Variants in SPOCK1 observed in about 807,000 individuals in gnomAD.
SPOCK1 encodes the protein testican-1.
SPOCK1 carries 23 observed loss-of-function variants against 55.3 expected under a neutral mutation model. The ratio of observed to expected loss-of-function variants is 0.42; its 90% confidence interval spans 0.30 to 0.59. The LOEUF (loss-of-function observed/expected upper bound fraction) is 0.59. Among genes scored for constraint, SPOCK1 ranks in the 20% least tolerant of loss-of-function variants. SPOCK1 has a pLI of 0.22. For missense variants in SPOCK1, 499 were observed against 552.5 expected (o/e 0.90, Z 0.97); for synonymous variants, 226 against 221.0 (o/e 1.02, Z -0.20).
chr5:137,254,021 T>C (rs1227627909), intron 3 of SPOCK1, among the ~76,000 whole-genome samples: 1 of 152,226 alleles, frequency 6.6e-6, no homozygotes, highest in Non-Finnish European at 1.5e-5. Context: ...ATGCTCACTC[T>C]TAATCTGACA....
At chr5:137,139,443 C>T (rs1346225101) in intron 4 of SPOCK1, among the ~76,000 whole-genome samples, 1 of 152,014 alleles carries the variant, frequency 6.6e-6, no homozygotes, top group Non-Finnish European at 1.5e-5. Flanking sequence ...AAAACATACC[C>T]CCAGAGGAAC....
At chr5:137,304,999 T>C (rs1255871576) in intron 2 of SPOCK1, among the ~76,000 whole-genome samples, 1 of 152,202 alleles carries the variant, frequency 6.6e-6, no homozygotes. Flanking sequence ...ACCAAAGCGT[T>C]GGCAGAGCCA....
At chr5:137,290,752 C>A (rs185868178) in intron 2 of SPOCK1, among the ~76,000 whole-genome samples, 2 of 152,286 alleles carry the variant, frequency 1.3e-5, no homozygotes, top group East Asian at 3.9e-4. Flanking sequence ...CTTCATATGG[C>A]AGAACGGACA....
In SPOCK1 at chr5:137,201,504, C is replaced by A. The variant is rs187796641; in HGVS notation, c.233-60810G>T. ...CAGAAACAAAGCCACCGTAACATTT[C>A]CAGCTGTTTGGGGAAGAATTTTAAT... is the stretch of plus-strand genomic sequence containing the variant. On this transcript the variant is annotated intron_variant, in intron 3 of 10. Transcript: ENST00000394945. Among the ~76,000 whole-genome samples the A allele has an allele frequency of 9.8e-5, 15 of 152,308 alleles. No homozygotes were observed. The East Asian group carries it at 2.9e-3, about 29-fold the overall frequency.
chr5:137,171,334 G>A (rs1754751498), intron 3 of SPOCK1, among the ~76,000 whole-genome samples: 1 of 152,102 alleles, frequency 6.6e-6, no homozygotes, highest in African/African-American at 2.4e-5. Flanking sequence ...TGAGCTCCTT[G>A]GGGACCGAAA....
At chr5:137,281,103 A>G (rs1757158280) in intron 2 of SPOCK1, among the ~76,000 whole-genome samples, 1 of 152,172 alleles carries the variant, frequency 6.6e-6, no homozygotes, top group South Asian at 2.1e-4. Context: ...TACTTCTTAA[A>G]TTCATATATT....
intron 3 of SPOCK1, among the ~76,000 whole-genome samples, chr5:137,171,399 C>A (rs558136977): frequency 1.3e-5 from 2 of 152,262 alleles, no homozygotes; most frequent in African/African-American, 4.8e-5. Flanking sequence ...TGATACAGAG[C>A]TGGCACTTGA....
At chr5:137,339,340 G>A (rs1750362180) in intron 2 of SPOCK1, among the ~76,000 whole-genome samples, 1 of 152,212 alleles carries the variant, frequency 6.6e-6, no homozygotes, top group African/African-American at 2.4e-5. Flanking sequence ...CCATGGATGG[G>A]CACATTTTCC....
At chr5:137,130,304 C>A (rs1020599356) in intron 4 of SPOCK1, among the ~76,000 whole-genome samples, 1 of 152,146 alleles carries the variant, frequency 6.6e-6, no homozygotes, top group Admixed American at 6.5e-5. Context: ...TTAATCTCCA[C>A]AAGGGTAGAC....
At chr5:137,488,077 T>C (rs1037137738) in intron 2 of SPOCK1, among the ~76,000 whole-genome samples, 3 of 152,136 alleles carry the variant, frequency 2.0e-5, no homozygotes, top group African/African-American at 7.2e-5. Flanking sequence ...ACTACCTACA[T>C]CAGAATCACC....
At chr5:137,209,404 G>A (rs1755571495) in intron 3 of SPOCK1, among the ~76,000 whole-genome samples, 2 of 152,228 alleles carry the variant, frequency 1.3e-5, no homozygotes, top group Admixed American at 1.3e-4. Context: ...AAGTAGATGT[G>A]GAGGTAGTTT....
chr5:137,415,140 T>C (rs1320698826), intron 2 of SPOCK1, among the ~76,000 whole-genome samples: 3 of 152,104 alleles, frequency 2.0e-5, no homozygotes, highest in Non-Finnish European at 2.9e-5. Context: ...ATGAGAAAAA[T>C]GTATTTCAGA....
rs563776126 is a variant in SPOCK1, at chr5:137,408,511, T to C, written c.186+89862A>G. Among the ~76,000 whole-genome samples the C allele has an allele frequency of 3.3e-5, 5 of 152,282 alleles. No homozygotes were observed. The East Asian group carries it at 7.7e-4, about 24-fold the overall frequency. On this transcript the variant is annotated intron_variant, in intron 2 of 10. Coordinates refer to ENST00000394945, the MANE Select transcript of SPOCK1 (RefSeq NM_004598.4). Reference sequence around the variant, plus strand: ...AAGTGCCCTTGAAACACATCAGTTCTTGCCCTCCTTCTCAGGGATAAAAAG... The same window carrying C: ...AAGTGCCCTTGAAACACATCAGTTCCTGCCCTCCTTCTCAGGGATAAAAAG...
intron 3 of SPOCK1, among the ~76,000 whole-genome samples, chr5:137,144,809 A>G (rs774933592): frequency 3.3e-5 from 5 of 152,210 alleles, no homozygotes; most frequent in Non-Finnish European, 5.9e-5. Context: ...GTAGGTGAGA[A>G]GGTAGGAGAG....
In SPOCK1 at chr5:137,180,166, C is replaced by G. The variant is rs538387052; in HGVS notation, c.233-39472G>C. The stretch of plus-strand genomic sequence containing the variant: ...CCTCTAGCACCTGCCTCCTAATCAT[C>G]TCTGTACCTACCTGCACGGCATGGC... On this transcript the variant is annotated intron_variant, in intron 3 of 10. Coordinates refer to ENST00000394945, the MANE Select transcript of SPOCK1 (RefSeq NM_004598.4). Among the ~76,000 whole-genome samples, 17 of 152,330 alleles carry G rather than the reference C, an allele frequency of 1.1e-4. No homozygotes were observed. The South Asian group carries it at 3.3e-3, about 30-fold the overall frequency.
intron 2 of SPOCK1, among the ~76,000 whole-genome samples, chr5:137,478,848 G>A (rs1753891035): frequency 1.3e-5 from 2 of 151,848 alleles, no homozygotes; most frequent in Admixed American, 6.6e-5. Flanking sequence ...ATAATAATAA[G>A]GAAGATAGGG....
intron 2 of SPOCK1, among the ~76,000 whole-genome samples, chr5:137,408,160 T>C (rs1752139438): frequency 1.3e-5 from 2 of 152,236 alleles, no homozygotes; most frequent in Non-Finnish European, 2.9e-5. Flanking sequence ...GTCTGTCTGT[T>C]AGTTCTACTA....
At chr5:137,139,407 A>T (rs1364582240) in intron 4 of SPOCK1, among the ~76,000 whole-genome samples, 3 of 152,114 alleles carry the variant, frequency 2.0e-5, no homozygotes, top group African/African-American at 4.8e-5. Context: ...ATTCAGAGGA[A>T]ACCATTTACA....
intron 2 of SPOCK1, among the ~76,000 whole-genome samples, chr5:137,390,845 G>A (rs1040090185): frequency 1.3e-5 from 2 of 152,162 alleles, no homozygotes; most frequent in Non-Finnish European, 2.9e-5. Context: ...TGGTGGGGGG[G>A]TGTGGCAAAT....
Sources: allele counts gnomAD v4.1 joint callset (sites outside exome capture counted in the v4.1 genomes callset), GRCh38; gene constraint gnomAD v4.1.1; transcripts MANE v1.5; gene names NCBI Gene and HGNC (gene_info 2026-07-23, HGNC 2026-07-21).